SLC25A26: variants seen among roughly 807,000 people sequenced by gnomAD.
The protein encoded by SLC25A26 is mitochondrial S-adenosylmethionine carrier protein.
In SLC25A26, 36 loss-of-function variants were observed where a neutral mutation model predicts 37.8. The ratio of observed to expected loss-of-function variants is 0.95; its 90% CI spans 0.73 to 1.26. SLC25A26 has a LOEUF of 1.26. Ranked by LOEUF, SLC25A26 falls within the 50% of genes most tolerant of loss-of-function variation. SLC25A26 has a pLI of 0.00. For synonymous variants in SLC25A26, 129 were observed against 122.5 expected (o/e 1.05, Z -0.35); for missense variants, 390 against 331.1 (o/e 1.18, Z -1.38).
chr3:66,229,153 G>A (rs561174508), intron 1 of SLC25A26, among the ~76,000 whole-genome samples: 1 of 152,288 alleles, frequency 6.6e-6, no homozygotes, highest in South Asian at 2.1e-4. Flanking sequence ...TCTAAAAATA[G>A]TAGTTTATTG....
At position 66,375,248 on chromosome 3, in the gene SLC25A26, A is replaced by C. The variant is rs185845657; in HGVS notation, c.708-2442A>C. The stretch of plus-strand genomic sequence containing the variant: ...AGAGGTTGATTCATGAAGTTTAAGG[A>C]AAGAAGTCATCTCTGTAACACAGAA... On this transcript the variant is annotated intron_variant, in intron 9 of 9. Transcript: ENST00000354883. Among the ~76,000 whole-genome samples the C allele has an allele frequency of 2.5e-4, 38 of 152,318 alleles. No individual in the cohort carries two copies. The East Asian group carries it at 6.6e-3, about 26-fold the overall frequency.
intron 5 of SLC25A26, among the ~76,000 whole-genome samples, chr3:66,311,242 TC>T (rs1290225043): frequency 6.6e-6 from 1 of 152,058 alleles, no homozygotes; most frequent in Non-Finnish European, 1.5e-5. Flanking sequence ...ATTAAGTTGA[TC>T]TTCAGTCTCT....
chr3:66,287,642 T>A (rs754987289), intron 5 of SLC25A26, among the ~76,000 whole-genome samples: 26 of 152,370 alleles, frequency 1.7e-4, no homozygotes, highest in Middle Eastern at 3.4e-3. Context: ...AATTTCAACA[T>A]TCACCTACGG....
intron 5 of SLC25A26, among the ~76,000 whole-genome samples, chr3:66,320,897 T>C (rs1378324939): frequency 6.6e-6 from 1 of 152,232 alleles, no homozygotes; most frequent in Admixed American, 6.5e-5. Flanking sequence ...AAAATTGTCA[T>C]ATTTTAAAAC....
chr3:66,253,168 G>A (rs972343518), intron 3 of SLC25A26, among the ~76,000 whole-genome samples: 4 of 151,992 alleles, frequency 2.6e-5, no homozygotes, highest in Non-Finnish European at 4.4e-5. Flanking sequence ...AGCACTTTGG[G>A]AGGCTAAGGC....
intron 5 of SLC25A26, among the ~76,000 whole-genome samples, chr3:66,334,207 T>A (rs1479297507): frequency 6.6e-6 from 1 of 152,204 alleles, no homozygotes; most frequent in Non-Finnish European, 1.5e-5. Flanking sequence ...TGCAGTGTGA[T>A]TTGATTTGTT....
upstream of SLC25A26, among the ~76,000 whole-genome samples, chr3:66,217,432 C>T (rs1358352577): frequency 2.6e-5 from 4 of 151,954 alleles, no homozygotes; most frequent in African/African-American, 9.7e-5. Flanking sequence ...CGGAATAAAC[C>T]GAATATTTCT....
intron 6 of SLC25A26, among the ~76,000 whole-genome samples, chr3:66,347,017 T>G (rs770190308): frequency 2.0e-5 from 3 of 151,828 alleles, no homozygotes; most frequent in Non-Finnish European, 2.9e-5. Flanking sequence ...AGTGAGCTAT[T>G]TAAAAAAAAA....
At chr3:66,171,086 A>C (rs2070491967) in intron 1 of SLC25A26, among the ~76,000 whole-genome samples, 2 of 151,940 alleles carry the variant, frequency 1.3e-5, no homozygotes, top group South Asian at 4.2e-4. Context: ...TACAGGCGTG[A>C]GCCACCGCGC....
chr3:66,318,504 A>C (rs1481191103), intron 5 of SLC25A26, among the ~76,000 whole-genome samples: 3 of 151,800 alleles, frequency 2.0e-5, no homozygotes, highest in Non-Finnish European at 2.9e-5. Flanking sequence ...GGGTCATGCC[A>C]ACTGCCTCGT....
At position 66,166,468 on chromosome 3, in the gene SLC25A26, CAG is replaced by C. The variant is rs368912963; in HGVS notation, c.-354+32486_-354+32487del. 2.2e-4 allele frequency among the ~76,000 whole-genome samples: 33 copies of C among 152,306 alleles called. No homozygotes were observed. The South Asian group carries it at 4.4e-3, about 20-fold the overall frequency. ...AGACTCTCAGAGAAGGATCTTGTAACAGATAGTTTTACTTCGATGTGAATTTA... is the reference window on the plus strand; with the variant it reads ...AGACTCTCAGAGAAGGATCTTGTAACATAGTTTTACTTCGATGTGAATTTA... On this transcript the variant is annotated intron_variant, in intron 1 of 10. Transcript: ENST00000676754.
chr3:66,329,507 T>C (rs73833465), intron 5 of SLC25A26, among the ~76,000 whole-genome samples: 3,016 of 151,846 alleles, frequency 0.02, 118 homozygotes, highest in African/African-American at 0.068. Flanking sequence ...CCCTTTTTTT[T>C]CCCTATTTCC....
chr3:66,305,643 G>A (rs1218843866), intron 5 of SLC25A26, among the ~76,000 whole-genome samples: 2 of 151,930 alleles, frequency 1.3e-5, no homozygotes, highest in East Asian at 3.9e-4. Context: ...GCCCCAGAGT[G>A]TGTTGTTTCC....
chr3:66,298,470 G>C (rs1227181975), intron 5 of SLC25A26, among the ~76,000 whole-genome samples: 1 of 151,834 alleles, frequency 6.6e-6, no homozygotes, highest in Non-Finnish European at 1.5e-5. Context: ...TTCTTTTTTT[G>C]GTGGGAGATC....
intron 6 of SLC25A26, among the ~76,000 whole-genome samples, chr3:66,361,884 A>G (rs994075300): frequency 8.5e-5 from 13 of 152,136 alleles, no homozygotes; most frequent in African/African-American, 3.1e-4. Flanking sequence ...GGAGAATCAT[A>G]TGAACCCAGG....
chr3:66,148,381 G>A (rs1011310100), intron 1 of SLC25A26, among the ~76,000 whole-genome samples: 5 of 152,180 alleles, frequency 3.3e-5, no homozygotes, highest in Non-Finnish European at 7.3e-5. Flanking sequence ...AGACACAAAG[G>A]CAAAAGGAAT....
intron 1 of SLC25A26, among the ~76,000 whole-genome samples, chr3:66,150,035 A>G (rs975964295): frequency 1.3e-5 from 2 of 152,160 alleles, no homozygotes; most frequent in African/African-American, 2.4e-5. Flanking sequence ...TTCAAGGTTC[A>G]TAGGCTCCTA....
At chr3:66,218,824 G>A (rs2071399010), upstream of SLC25A26, among the ~76,000 whole-genome samples, 3 of 152,192 alleles carry the variant, frequency 2.0e-5, no homozygotes, top group South Asian at 6.2e-4. Context: ...GCACTAATCT[G>A]CCAGTTATGG....
intron 6 of SLC25A26, among the ~76,000 whole-genome samples, chr3:66,357,772 A>G (rs1559735279): frequency 6.6e-6 from 1 of 152,198 alleles, no homozygotes; most frequent in Non-Finnish European, 1.5e-5. Context: ...TAACTTCAAA[A>G]TATTTAATAA....
Sources: allele counts gnomAD v4.1 joint callset (sites outside exome capture counted in the v4.1 genomes callset), GRCh38; gene constraint gnomAD v4.1.1; transcripts MANE v1.5; gene names NCBI Gene and HGNC (gene_info 2026-07-23, HGNC 2026-07-21).